NTRK2: variants seen among roughly 807,000 people sequenced by gnomAD.
NTRK2 encodes the protein neurotrophic receptor tyrosine kinase 2.
A neutral mutation model predicts 94.5 loss-of-function variants in NTRK2; 13 were observed. The ratio of observed to expected loss-of-function variants is 0.14; its 90% CI spans 0.09 to 0.22. The LOEUF (loss-of-function observed/expected upper bound fraction) is 0.22. NTRK2 is among the 10% of genes least tolerant of loss of function. The pLI is 1.00. For missense variants in NTRK2, 639 were observed against 1,071.2 expected, an observed-to-expected ratio of 0.60 and a Z score of 5.63; for synonymous variants, 372 against 407.4, an observed-to-expected ratio of 0.91 and a Z score of 1.05.
chr9:85,021,986 A>C lies in NTRK2; in HGVS notation c.*549A>C. ...GATTCACTTCTATTTATTTATTATTATTACTGTTCTTATTGTTTTTGGATG... is the reference window on the plus strand; with the variant it reads ...GATTCACTTCTATTTATTTATTATTCTTACTGTTCTTATTGTTTTTGGATG... On this transcript the variant is annotated 3_prime_UTR_variant, in exon 19 of 19. Transcript: ENST00000277120. The C allele has an allele frequency of 4.2e-6, 1 of 239,620 alleles. No homozygotes were observed. Among genetic ancestry groups the C allele is most frequent in the South Asian group, 1.6e-4 (1 of 6,266 alleles). 14.8% of individuals were successfully genotyped at this position (239,620 alleles called of 1,614,324 possible).
Position 84,691,831 on chromosome 9 carries a change from G to A in NTRK2, c.213-10328G>A, listed in dbSNP as rs540797056. ...TGACCAGACGGCCTCCCCAGCCATA[G>A]GAAAAGCTCCCTTAGGCTCCCGTGG... On this transcript the variant is annotated intron_variant, in intron 2 of 18. Transcript: ENST00000277120. Among the ~76,000 whole-genome samples the A allele has an allele frequency of 7.2e-5, 11 of 152,250 alleles. No homozygotes were observed. In the South Asian group the frequency reaches 2.3e-3, roughly 32 times the overall value.
intron 10 of NTRK2, among the ~76,000 whole-genome samples, chr9:84,743,045 C>T (rs2063783928): frequency 6.6e-6 from 1 of 152,106 alleles, no homozygotes; most frequent in Non-Finnish European, 1.5e-5. Context: ...AGGTGATTCA[C>T]CCACCTTGGC....
rs2275857 is a variant in NTRK2, at chr9:84,752,058, G to C, written c.1369G>C (p.Ala457Pro). The C allele has an allele frequency of 1.2e-6, 2 of 1,613,992 alleles. No homozygotes were observed. The highest frequency in any genetic ancestry group is 4.5e-5 in the East Asian group (2 of 44,856). The change falls in exon 12 of 19, where the codon GCA (alanine) becomes CCA (proline). Residue 457 changes from alanine (A) to proline (P), a missense_variant. Coordinates refer to ENST00000277120, the MANE Select transcript of NTRK2 (RefSeq NM_006180.6). ...GGTAATGCTGTTTCTGCTTAAGTTG[G>C]CAAGACACTCCAAGTTTGGCATGAA... is the stretch of plus-strand genomic sequence containing the variant. ...LLVMLFLLKL[A>P]RHSKFGMKDF...
At chr9:84,791,176 G>A (rs1438220081) in intron 12 of NTRK2, among the ~76,000 whole-genome samples, 1 of 152,104 alleles carries the variant, frequency 6.6e-6, no homozygotes, top group Non-Finnish European at 1.5e-5. Flanking sequence ...ATTCAAAATG[G>A]CAACCAAGAC....
At chr9:84,725,902 A>G (rs1389302590) in intron 8 of NTRK2, among the ~76,000 whole-genome samples, 4 of 152,172 alleles carry the variant, frequency 2.6e-5, no homozygotes, top group Admixed American at 2.6e-4. Flanking sequence ...GTTCAGCTGC[A>G]CAGGTGCTCA....
intron 14 of NTRK2, chr9:84,878,032 T>C: frequency 1.3e-6 from 1 of 770,626 alleles, no homozygotes; most frequent in Non-Finnish European, 1.6e-6. Flanking sequence ...GGTTCCCCAG[T>C]TGCCCCCACA....
intron 12 of NTRK2, among the ~76,000 whole-genome samples, chr9:84,770,925 C>T (rs540631877): frequency 6.6e-5 from 10 of 152,276 alleles, no homozygotes; most frequent in Middle Eastern, 3.4e-3. Flanking sequence ...TCCTTTCCCC[C>T]CTGGGTATTA....
chr9:84,952,073 C>A (rs924615445), intron 16 of NTRK2, among the ~76,000 whole-genome samples: 1 of 152,190 alleles, frequency 6.6e-6, no homozygotes, highest in Admixed American at 6.5e-5. Context: ...TACTATTTTT[C>A]AAACTATCAC....
intron 9 of NTRK2, among the ~76,000 whole-genome samples, chr9:84,738,148 G>A (rs763380341): frequency 7.3e-5 from 11 of 151,336 alleles, no homozygotes; most frequent in Non-Finnish European, 1.6e-4. Context: ...GAAGATTTAA[G>A]GCTTGACGCT....
At chr9:84,910,013 G>A (rs1172811121) in intron 14 of NTRK2, among the ~76,000 whole-genome samples, 2 of 152,106 alleles carry the variant, frequency 1.3e-5, no homozygotes, top group African/African-American at 4.8e-5. Flanking sequence ...CTTGGTTTTA[G>A]ATCCTGAAGG....
At chr9:84,759,008 A>C (rs1053749504) in intron 12 of NTRK2, among the ~76,000 whole-genome samples, 3 of 152,356 alleles carry the variant, frequency 2.0e-5, no homozygotes, top group Non-Finnish European at 2.9e-5. Flanking sequence ...CTCTCCTCCC[A>C]GCTTCAAGTG....
chr9:84,714,915 T>A (rs1020123537), intron 6 of NTRK2, among the ~76,000 whole-genome samples: 6 of 152,244 alleles, frequency 3.9e-5, no homozygotes, highest in African/African-American at 1.2e-4. Flanking sequence ...TGCCAACTAC[T>A]GTGGCCATTG....
chr9:84,967,988 T>C (rs758555784), intron 17 of NTRK2, among the ~76,000 whole-genome samples: 26 of 152,164 alleles, frequency 1.7e-4, no homozygotes, highest in Admixed American at 2.6e-4. Flanking sequence ...GACTTCATTG[T>C]AGGAACAACG....
At chr9:84,995,935 T>C (rs1489308384) in intron 17 of NTRK2, among the ~76,000 whole-genome samples, 2 of 152,134 alleles carry the variant, frequency 1.3e-5, no homozygotes, top group African/African-American at 4.8e-5. Flanking sequence ...AAGTCAACAG[T>C]CTCTAGCCTT....
intron 12 of NTRK2, among the ~76,000 whole-genome samples, chr9:84,859,534 A>C (rs1201534173): frequency 6.6e-6 from 1 of 152,206 alleles, no homozygotes; most frequent in Non-Finnish European, 1.5e-5. Flanking sequence ...GCAGTTGTTT[A>C]TTATAGTTAA....
At chr9:84,860,387 A>G (rs929978233) in intron 12 of NTRK2, among the ~76,000 whole-genome samples, 4 of 152,218 alleles carry the variant, frequency 2.6e-5, no homozygotes. Context: ...TAAGAGGCAC[A>G]GAACAGCTGT....
rs2132056739 is a variant in NTRK2 at position 84,867,259 on chromosome 9, C to T, written c.1461C>T (p.Ile487=). The change falls in exon 14 of 19, where the codon ATC becomes ATT. Residue 487 remains isoleucine (I), a synonymous_variant. Transcript: ENST00000277120. ...SRQGVGPASV[I]SNDDDSASPL... ...CATCTCCAGGCCCAGCCTCCGTTAT[C>T]AGCAATGATGATGACTCTGCCAGCC... 6.2e-7 allele frequency: 1 copy of T among 1,613,986 alleles called. No individual in the cohort carries two copies. Among genetic ancestry groups the T allele is most frequent in the Middle Eastern group, 1.7e-4 (1 of 6,060 alleles).
chr9:84,695,054 CAAAA>C (rs61049105), intron 2 of NTRK2, among the ~76,000 whole-genome samples: 1 of 68,484 alleles, frequency 1.5e-5, no homozygotes, highest in South Asian at 5.8e-4. Context: ...GACTCCGTCT[CAAAA>C]AAAAAAAAAA....
At chr9:84,756,478 G>T (rs1431626426) in intron 12 of NTRK2, among the ~76,000 whole-genome samples, 1 of 152,194 alleles carries the variant, frequency 6.6e-6, no homozygotes, top group Non-Finnish European at 1.5e-5. Context: ...AAATATAAGG[G>T]AGCCAGCAGG....
Sources: gnomAD v4.1 joint callset for allele counts (sites outside exome capture counted in the v4.1 genomes callset) on GRCh38, gnomAD v4.1.1 for gene constraint, MANE v1.5 for transcripts, NCBI Gene and HGNC (gene_info 2026-07-23, HGNC 2026-07-21) for gene names.